The following CARD9 variants were observed in gnomAD, a reference collection of about 807,000 sequenced individuals.
The protein encoded by CARD9 is caspase recruitment domain-containing protein 9.
A neutral mutation model predicts 66.0 loss-of-function variants in CARD9; 53 were observed. The observed-to-expected ratio is 0.80, with a 90% CI of 0.64 to 1.01. The LOEUF (loss-of-function observed/expected upper bound fraction) is 1.01. Among genes scored for constraint, CARD9 ranks in the 50% least tolerant of loss-of-function variants. The pLI, the probability that CARD9 is intolerant of heterozygous loss-of-function variation, is 0.00. For missense variants in CARD9, 769 were observed against 743.2 expected (o/e 1.03, Z -0.40); for synonymous variants, 387 against 313.8 (o/e 1.23, Z -2.47).
chr9:136,368,920 A>G (rs1833190939), intron 7 of CARD9, among the ~76,000 whole-genome samples: 1 of 152,138 alleles, frequency 6.6e-6, no homozygotes, highest in Admixed American at 6.5e-5. Context: ...CCTGGGTTCA[A>G]GCAATTCTCC....
chr9:136,370,083 C>G, intron 6 of CARD9: 1 of 1,392,274 alleles, frequency 7.2e-7, no homozygotes, highest in East Asian at 2.5e-5. Flanking sequence ...ACTGCTGTGC[C>G]TCAGGCACCA....
rs751375400 is a variant in CARD9, at chr9:136,371,160, A to G, written c.323-15T>C. 17 of 1,611,530 alleles carry G rather than the reference A, an allele frequency of 1.1e-5. No homozygotes were observed. In the Admixed American group the frequency reaches 2.3e-4, roughly 22 times the overall value. The stretch of plus-strand genomic sequence containing the variant: ...CCCGGACGCGTCTGTGGGCCAGGCC[A>G]GTGTCAGATGGTGCCGTGTTCCCCG... On this transcript the variant is annotated splice_polypyrimidine_tract_variant and intron_variant, in intron 3 of 12. Transcript: ENST00000371732.
chr9:136,368,700 T>C (rs999829060), intron 7 of CARD9, among the ~76,000 whole-genome samples: 1 of 152,246 alleles, frequency 6.6e-6, no homozygotes, highest in African/African-American at 2.4e-5. Context: ...CACGTAGCAC[T>C]GGAGGCCTTG....
chr9:136,371,425 T>C lies in CARD9; in HGVS notation c.221A>G (p.Lys74Arg), dbSNP rs1177629322. ...GCTCTCGAGGAAGGCCACGTAGCCC[T>C]TGTGGCCGGTCCGCTGCAGGATGTC... ...LLDILQRTGHKGYVAFLESLE... is the reference protein window; with the variant it reads ...LLDILQRTGHRGYVAFLESLE... The change falls in exon 3 of 13, where the codon AAG (lysine) becomes AGG (arginine). Residue 74 changes from lysine to arginine, a missense_variant. Physicochemically the swap from Lys to Arg is conservative, Grantham distance 26. Coordinates refer to ENST00000371732, the MANE Select transcript of CARD9 (RefSeq NM_052813.5). The C allele has an allele frequency of 2.5e-6, 4 of 1,585,312 alleles. No homozygotes were observed. In the South Asian group the frequency reaches 3.4e-5, roughly 14 times the overall value.
In CARD9 at chr9:136,370,587, A is replaced by G; in HGVS notation, c.742T>C (p.Trp248Arg). The G allele has an allele frequency of 6.2e-7, 1 of 1,612,278 alleles. No homozygotes were observed. The highest frequency in any genetic ancestry group is 8.5e-7 in the Non-Finnish European group (1 of 1,179,768). Reference sequence around the variant, plus strand: ...AGGGCCTTCTCCTGCTGCAGCTCCCACAGCAGCTCCTGGCTGGGCCGCTGC... The same window carrying G: ...AGGGCCTTCTCCTGCTGCAGCTCCCGCAGCAGCTCCTGGCTGGGCCGCTGC... ...MEQRPSQELL[W>R]ELQQEKALLQ... Residue 248 changes from tryptophan (W) to arginine (R), a missense_variant, in exon 5 of 13, where the codon TGG becomes CGG. By Grantham distance (101) the Trp-to-Arg change is moderately radical. Transcript: ENST00000371732.
chr9:136,367,902 A>C (rs1833166030), intron 7 of CARD9, 74 bp from the exon 8 acceptor site: 1 of 1,498,552 alleles, frequency 6.7e-7, no homozygotes, highest in Admixed American at 2.1e-5. Context: ...CGGCCGCCCA[A>C]CTCCAAGCAG....
intron 10 of CARD9, 166 bp from the exon 11 acceptor site, chr9:136,365,383 C>T: frequency 1.6e-6 from 1 of 638,696 alleles, no homozygotes; most frequent in Admixed American, 2.5e-5. Context: ...AGACTGAGGC[C>T]TTATGGCCTC....
intron 11 of CARD9, 83 bp downstream of exon 11, chr9:136,365,058 G>C: frequency 7.2e-7 from 1 of 1,380,778 alleles, no homozygotes; most frequent in Admixed American, 1.7e-5. Flanking sequence ...CGCAGGGGGT[G>C]CCCAGGGCAG....
intron 4 of CARD9, 49 bp downstream of exon 4, chr9:136,370,792 C>T (rs758115953): frequency 1.1e-5 from 17 of 1,600,902 alleles, no homozygotes; most frequent in South Asian, 1.0e-4. Flanking sequence ...CTGCAGACCC[C>T]GCCAGGCCAG....
chr9:136,364,962 G>GGC (rs1833084920), intron 11 of CARD9, 179 bp downstream of exon 11: 10 of 595,240 alleles, frequency 1.7e-5, no homozygotes, highest in Non-Finnish European at 2.9e-5. Context: ...CCAAGAAAGG[G>GGC]GGATCCACTT....
At chr9:136,370,008 C>T in intron 6 of CARD9, 133 bp from the exon 7 acceptor site, 1 of 1,506,962 alleles carries the variant, frequency 6.6e-7, no homozygotes, top group Admixed American at 2.0e-5. Flanking sequence ...TAGGAGTCCC[C>T]AGGCCCCTAC....
chr9:136,366,845 G>A lies in CARD9; in HGVS notation c.1312C>T (p.Leu438Phe). ...EDGSPRRSQE[L>F]SLPQDLEDTQ... ...TCCTCCAGGTCCTGGGGGAGTGAGAGCTTCCAAAGAGAGTCAAGATGTCCC... is the reference window on the plus strand; with the variant it reads ...TCCTCCAGGTCCTGGGGGAGTGAGAACTTCCAAAGAGAGTCAAGATGTCCC... The change falls in exon 10 of 13, where the codon CTC becomes TTC. Residue 438 changes from leucine (L) to phenylalanine (F), a missense_variant and splice_region_variant. Physicochemically the swap from Leu to Phe is conservative, Grantham distance 22 (BLOSUM62 0). Coordinates refer to ENST00000371732, the MANE Select transcript of CARD9 (RefSeq NM_052813.5). 1 of 1,613,026 alleles carries A rather than the reference G, an allele frequency of 6.2e-7. No individual in the cohort carries two copies. The highest frequency in any genetic ancestry group is 8.5e-7 in the Non-Finnish European group (1 of 1,179,928).
At chr9:136,371,526 G>GGGGGGGCC in intron 2 of CARD9, 65 bp from the exon 3 acceptor site, 5 of 516,026 alleles carry the variant, frequency 9.7e-6, no homozygotes, top group Non-Finnish European at 1.8e-5. Flanking sequence ...GGGTGGGTGG[G>GGGGGGGCC]CCTGGGGGCA....
At chr9:136,373,478 T>G in intron 1 of CARD9, 54 bp downstream of exon 1, 2 of 985,170 alleles carry the variant, frequency 2.0e-6, no homozygotes, top group South Asian at 9.4e-5. Flanking sequence ...GATCCTGAAC[T>G]AGGCCAACGC....
At chr9:136,368,112 A>C in intron 7 of CARD9, 1 of 1,133,090 alleles carries the variant, frequency 8.8e-7, no homozygotes, top group Middle Eastern at 2.3e-4. Context: ...CATTTGATAA[A>C]TTTTGGACGC....
rs143263677 is a variant in CARD9 at position 136,370,370 on chromosome 9, C to T, written c.875G>A (p.Arg292Gln). The T allele has an allele frequency of 1.3e-5, 21 of 1,609,712 alleles. No individual in the cohort carries two copies. Among genetic ancestry groups the T allele is most frequent in the African/African-American group, 4.0e-5 (3 of 74,982 alleles). The change falls in exon 6 of 13, where the codon CGG becomes CAG. Residue 292 changes from arginine (R) to glutamine (Q), a missense_variant. Transcript: ENST00000371732. ...GGTGTTGGCCTGCTCCTGGTGGTCC[C>T]GCAGCGCCTGCCGCCAGTCCTCCTC... ...VLEEDWRQAL[R>Q]DHQEQANTIF...
chr9:136,369,970 A>C, intron 6 of CARD9, 95 bp from the exon 7 acceptor site: 2 of 1,579,254 alleles, frequency 1.3e-6, no homozygotes, highest in Non-Finnish European at 8.6e-7. Flanking sequence ...GCATGTGGTC[A>C]GGCCAGTTGG....
chr9:136,367,335 C>G, intron 8 of CARD9, 78 bp from the exon 9 acceptor site: 2 of 1,506,076 alleles, frequency 1.3e-6, no homozygotes, highest in Non-Finnish European at 1.8e-6. Flanking sequence ...GGGCACAGAG[C>G]GGGATCCTCC....
Position 136,371,361 on chromosome 9 carries a change from T to A in CARD9, c.285A>T (p.Thr95=). The A allele has an allele frequency of 6.2e-7, 1 of 1,602,178 alleles. No homozygotes were observed. The highest frequency in any genetic ancestry group is 8.5e-7 in the Non-Finnish European group (1 of 1,174,836). The stretch of plus-strand genomic sequence containing the variant: ...AGAAGACGCGGGCCGGCTCCTTGCC[T>A]GTGACCTTCTTGTACAGCTGCGGGT... ...LYYPQLYKKV[T]GKEPARVFSM... is the part of the protein sequence containing the mutation. Residue 95 remains threonine (T), a synonymous_variant, in exon 3 of 13, where the codon ACA becomes ACT. Coordinates refer to ENST00000371732, the MANE Select transcript of CARD9 (RefSeq NM_052813.5).
Sources: allele counts gnomAD v4.1 joint callset (sites outside exome capture counted in the v4.1 genomes callset), GRCh38; gene constraint gnomAD v4.1.1; transcripts MANE v1.5; gene names NCBI Gene and HGNC (gene_info 2026-07-23, HGNC 2026-07-21).